Variants in SPAG17 observed in about 807,000 individuals in gnomAD.
SPAG17 encodes the protein sperm associated antigen 17.
A neutral mutation model predicts 273.6 loss-of-function variants in SPAG17; 169 were observed. The observed-to-expected ratio is 0.62, with a 90% confidence interval of 0.55 to 0.70. The LOEUF is 0.70. Ranked by LOEUF, SPAG17 falls within the 30% of genes least tolerant of loss-of-function variation. SPAG17 has a pLI of 0.00. For synonymous variants in SPAG17, 825 were observed against 873.2 expected (o/e 0.94, Z 0.97); for missense variants, 2,557 against 2,627.8 (o/e 0.97, Z 0.59).
intron 1 of SPAG17, among the ~76,000 whole-genome samples, chr1:118,157,067 TTAA>T (rs1659687664): frequency 6.6e-6 from 1 of 152,140 alleles, no homozygotes; most frequent in Non-Finnish European, 1.5e-5. Context: ...TGTGATTGCC[TTAA>T]TAATTTGAAA....
Position 117,994,536 on chromosome 1 carries a change from T to C in SPAG17, c.5054-6A>G. The C allele has an allele frequency of 6.2e-7, 1 of 1,602,416 alleles. No homozygotes were observed. Among genetic ancestry groups the C allele is most frequent in the Non-Finnish European group, 8.5e-7 (1 of 1,175,928 alleles). Reference sequence around the variant, plus strand: ...GACTGTGATGGTTAGGGTGCCTGGTTCAAAGAAAGTTGTCAGAAGACCATT... The same window carrying C: ...GACTGTGATGGTTAGGGTGCCTGGTCCAAAGAAAGTTGTCAGAAGACCATT... On this transcript the variant is annotated splice_region_variant and splice_polypyrimidine_tract_variant and intron_variant, in intron 34 of 48. Coordinates refer to ENST00000336338, the MANE Select transcript of SPAG17 (RefSeq NM_206996.4).
chr1:117,985,792 C>T (rs1250254475), intron 40 of SPAG17, among the ~76,000 whole-genome samples: 2 of 152,058 alleles, frequency 1.3e-5, no homozygotes, highest in Admixed American at 1.3e-4. Context: ...TATTTTTATC[C>T]TCACTTTATG....
At chr1:118,064,928 G>T (rs1172477758) in intron 18 of SPAG17, among the ~76,000 whole-genome samples, 2 of 151,612 alleles carry the variant, frequency 1.3e-5, no homozygotes, top group African/African-American at 4.8e-5. Flanking sequence ...TTTAATTTAA[G>T]AAGTTAAAGA....
intron 1 of SPAG17, among the ~76,000 whole-genome samples, chr1:118,154,784 A>C (rs1006353835): frequency 6.6e-6 from 1 of 152,138 alleles, no homozygotes; most frequent in African/African-American, 2.4e-5. Context: ...TGGGCAAATG[A>C]AAGTATAATG....
At chr1:117,998,598 A>G (rs1016968915) in intron 32 of SPAG17, among the ~76,000 whole-genome samples, 53 of 152,056 alleles carry the variant, frequency 3.5e-4, no homozygotes, top group African/African-American at 1.1e-3. Flanking sequence ...GAAGAATGTC[A>G]TTGGTACTGT....
At chr1:118,025,059 C>A (rs915004370) in intron 27 of SPAG17, among the ~76,000 whole-genome samples, 179 bp downstream of exon 27, 4 of 152,138 alleles carry the variant, frequency 2.6e-5, no homozygotes, top group African/African-American at 9.7e-5. Flanking sequence ...TTATTTGTAT[C>A]CTGCTCTGCA....
chr1:118,093,799 A>C (rs1326594259), intron 7 of SPAG17, among the ~76,000 whole-genome samples: 2 of 152,222 alleles, frequency 1.3e-5, no homozygotes, highest in Admixed American at 1.3e-4. Context: ...GTATGTGGGC[A>C]ATCAGTATTT....
At position 117,953,873 on chromosome 1, in the gene SPAG17, C is replaced by T. The variant is rs774628820; in HGVS notation, c.*177G>A. ...AAATGTCTTTAAATGCTTTTTGGCA[C>T]TCTATTCGCACGTCTTTATTAAACA... On this transcript the variant is annotated 3_prime_UTR_variant, in exon 49 of 49. Transcript: ENST00000336338. 4 of 733,482 alleles carry T rather than the reference C, an allele frequency of 5.5e-6. No individual in the cohort carries two copies. Among genetic ancestry groups the T allele is most frequent in the Non-Finnish European group, 9.0e-6 (4 of 445,632 alleles). The allele number at this position is 733,482 out of a possible 1,614,324, so 45.4% of individuals were successfully genotyped here. A position where few individuals can be genotyped will look rare whatever the true frequency, so the allele number is the denominator to read the frequency against.
At position 117,994,464 on chromosome 1, in the gene SPAG17, T is replaced by G; in HGVS notation, c.5120A>C (p.Asp1707Ala). ...CCGGAGATTAGGAGGGACAATTGTA[T>G]CTTCCTTTTTTACTTGCCATGGTGA... ...EASPWQVKKE[D>A]TIVPPNLRSR... Residue 1707 changes from aspartate (D) to alanine (A), a missense_variant, in exon 35 of 49, where the codon GAT becomes GCT. By Grantham distance (126) the Asp-to-Ala change is moderately radical. Coordinates refer to ENST00000336338, the MANE Select transcript of SPAG17 (RefSeq NM_206996.4). The G allele has an allele frequency of 6.2e-7, 1 of 1,613,050 alleles. No individual in the cohort carries two copies. Among genetic ancestry groups the G allele is most frequent in the Non-Finnish European group, 8.5e-7 (1 of 1,179,288 alleles).
At chr1:117,972,789 A>G (rs1257355730) in intron 44 of SPAG17, among the ~76,000 whole-genome samples, 1 of 152,192 alleles carries the variant, frequency 6.6e-6, no homozygotes, top group Non-Finnish European at 1.5e-5. Context: ...AAAAAAAGAT[A>G]ATTATCAAAA....
In SPAG17 at chr1:118,035,043, G is replaced by A. The variant is rs564566734; in HGVS notation, c.3433+1727C>T. ...AGCTGTGCCTACCCAATTAAAGGGG[G>A]AGAACTGGAATGGAAACTTGTTAAG... On this transcript the variant is annotated intron_variant, in intron 24 of 48. Transcript: ENST00000336338. Among the ~76,000 whole-genome samples, 3 of 152,222 alleles carry A rather than the reference G, an allele frequency of 2.0e-5. No individual in the cohort carries two copies. The South Asian group carries it at 6.2e-4, about 32-fold the overall frequency.
At chr1:118,085,530 G>A (rs866411678) in intron 13 of SPAG17, among the ~76,000 whole-genome samples, 2 of 149,794 alleles carry the variant, frequency 1.3e-5, no homozygotes, top group East Asian at 2.0e-4. Flanking sequence ...GCATACGCGT[G>A]CGCGCGCGCA....
intron 1 of SPAG17, among the ~76,000 whole-genome samples, chr1:118,154,509 A>G (rs1052828117): frequency 2.0e-5 from 3 of 152,228 alleles, no homozygotes; most frequent in African/African-American, 7.2e-5. Context: ...ATAGTTAAAT[A>G]AGCAATTCTC....
intron 38 of SPAG17, among the ~76,000 whole-genome samples, chr1:117,989,404 G>A (rs1359240054): frequency 1.3e-5 from 2 of 151,804 alleles, no homozygotes; most frequent in African/African-American, 4.8e-5. Flanking sequence ...ACAGAGAGAG[G>A]GGTGATGCCA....
At chr1:118,068,970 T>C (rs368813562) in intron 17 of SPAG17, among the ~76,000 whole-genome samples, 1 of 152,194 alleles carries the variant, frequency 6.6e-6, no homozygotes, top group South Asian at 2.1e-4. Context: ...GAATATCTGA[T>C]ATATAGAGAA....
intron 47 of SPAG17, chr1:117,965,157 A>G (rs1332794364): frequency 6.6e-6 from 1 of 152,204 alleles, no homozygotes; most frequent in Non-Finnish European, 1.5e-5. Context: ...TACCTTTTGC[A>G]ATTTAGTTTT....
intron 45 of SPAG17, among the ~76,000 whole-genome samples, chr1:117,971,297 C>T (rs536848706): frequency 3.7e-4 from 57 of 152,274 alleles, no homozygotes; most frequent in African/African-American, 1.3e-3. Context: ...CAAAACAAAG[C>T]ATTAGTAAAG....
At chr1:118,028,601 A>T (rs866517731) in intron 25 of SPAG17, among the ~76,000 whole-genome samples, 2 of 152,194 alleles carry the variant, frequency 1.3e-5, no homozygotes, top group Non-Finnish European at 2.9e-5. Flanking sequence ...GGCAGTAACA[A>T]CAGTTGGCAC....
chr1:118,121,776 G>A (rs1286383804), intron 3 of SPAG17, among the ~76,000 whole-genome samples: 1 of 152,150 alleles, frequency 6.6e-6, no homozygotes, highest in East Asian at 1.9e-4. Flanking sequence ...TGCCTTTGAT[G>A]TTTATTCAGA....
Sources: gnomAD v4.1 joint callset for allele counts (sites outside exome capture counted in the v4.1 genomes callset) on GRCh38, gnomAD v4.1.1 for gene constraint, MANE v1.5 for transcripts, NCBI Gene and HGNC (gene_info 2026-07-23, HGNC 2026-07-21) for gene names.